Variants in XG observed in about 807,000 individuals in gnomAD.
XG encodes the protein Xg glycoprotein (Xg blood group).
In XG, 24 loss-of-function variants were observed where a neutral mutation model predicts 25.7. The observed-to-expected ratio is 0.93, with a 90% CI of 0.68 to 1.31. XG has a LOEUF of 1.31. Ranked by LOEUF, XG falls within the 40% of genes most tolerant of loss-of-function variation. XG has a pLI of 0.00. For missense variants in XG, 181 were observed against 187.6 expected, an observed-to-expected ratio of 0.96 and a Z score of 0.21; for synonymous variants, 77 against 69.2, an observed-to-expected ratio of 1.11 and a Z score of -0.56.
intron 2 of XG, among the ~76,000 whole-genome samples, chrX:2,774,021 C>T (rs1411846767): frequency 1.3e-5 from 2 of 152,116 alleles, no homozygotes; most frequent in Non-Finnish European, 2.9e-5. Flanking sequence ...CACACAAACC[C>T]GTGTTCCAGC....
chrX:2,814,310 T>C, intron 10 of XG, 54 bp from the exon 11 acceptor site: 2 of 1,088,576 alleles, frequency 1.8e-6, no homozygotes, highest in South Asian at 4.1e-5. Flanking sequence ...CTCTGTTTAA[T>C]AAGACTTTTT....
chrX:2,789,899 G>A (rs1396236536), intron 5 of XG, among the ~76,000 whole-genome samples, 193 bp downstream of exon 5: 2 of 109,941 alleles, frequency 1.8e-5, no homozygotes, highest in Non-Finnish European at 3.8e-5. Flanking sequence ...GTCTCGCTCT[G>A]TTGCCCTGGC....
intron 3 of XG, among the ~76,000 whole-genome samples, chrX:2,775,417 C>T (rs1002787255): frequency 6.6e-6 from 1 of 152,066 alleles, no homozygotes; most frequent in African/African-American, 2.4e-5. Context: ...GATGAAATTT[C>T]AAGAATAGGT....
At chrX:2,759,022 A>G (rs2050500106) in intron 1 of XG, among the ~76,000 whole-genome samples, 2 of 53,024 alleles carry the variant, frequency 3.8e-5, no homozygotes, top group African/African-American at 6.5e-5. Context: ...GTATCTATGT[A>G]TCTATCTATG....
chrX:2,783,204 G>A (rs1464961104), intron 4 of XG, among the ~76,000 whole-genome samples: 1 of 111,478 alleles, frequency 9.0e-6, no homozygotes, highest in Non-Finnish European at 1.9e-5. Context: ...ACCCCCACGT[G>A]TGCTGTGCAC....
chrX:2,774,191 C>T (rs1415603486), intron 2 of XG, among the ~76,000 whole-genome samples: 1 of 152,166 alleles, frequency 6.6e-6, no homozygotes, highest in African/African-American at 2.4e-5. Flanking sequence ...CCTCAAACCT[C>T]CTCCTGCCCT....
chrX:2,784,020 A>G (rs2086760007), intron 4 of XG, among the ~76,000 whole-genome samples: 2 of 110,890 alleles, frequency 1.8e-5, no homozygotes, highest in African/African-American at 6.6e-5. Context: ...CAAAACCCCA[A>G]AACACCACCT....
intron 6 of XG, among the ~76,000 whole-genome samples, chrX:2,796,188 T>G (rs1425536410): frequency 9.5e-6 from 1 of 105,327 alleles, no homozygotes; most frequent in Non-Finnish European, 1.9e-5. Context: ...CATATGTATA[T>G]GTCTTTATGT....
At chrX:2,789,815 A>G in intron 5 of XG, 109 bp downstream of exon 5, 1 of 351,185 alleles carries the variant, frequency 2.8e-6, no homozygotes, top group Non-Finnish European at 4.4e-6. Flanking sequence ...ATTTGATTCT[A>G]TGTTATTTTA....
chrX:2,814,361 C>T lies in XG; in HGVS notation c.572-3C>T, dbSNP rs2147100717. 8.4e-7 allele frequency: 1 copy of T among 1,196,550 alleles called. No homozygotes were observed. The highest frequency in any genetic ancestry group is 1.8e-5 in the South Asian group (1 of 54,149). On this transcript the variant is annotated splice_region_variant and splice_polypyrimidine_tract_variant and intron_variant, in intron 10 of 10. Coordinates refer to ENST00000644266, the MANE Select transcript of XG (RefSeq NM_001141919.2). ...TGACATTTGTTTCTAATCTTCCTTT[C>T]AGAACCAGAAAATGTCTGAAGATGT...
rs772998225 is a variant in XG at position 2,776,119 on chromosome X, T to C, written c.127+1380T>C. Among the ~76,000 whole-genome samples the C allele has an allele frequency of 8.7e-4, 123 of 140,854 alleles. 1 individual carries two copies. The highest frequency in any genetic ancestry group is 2.9e-3 in the African/African-American group (113 of 39,268). 92.4% of individuals were successfully genotyped at this position (140,854 alleles called of 152,430 possible). Reference sequence around the variant, plus strand: ...CCTGGCTAACACGGTATGTTGTACCTGAGCGAGTTAGAAAAACGCTTTGAG... The same window carrying C: ...CCTGGCTAACACGGTATGTTGTACCCGAGCGAGTTAGAAAAACGCTTTGAG... On this transcript the variant is annotated intron_variant, in intron 3 of 10. Coordinates refer to ENST00000644266, the MANE Select transcript of XG (RefSeq NM_001141919.2).
chrX:2,770,738 C>G (rs1030045598), intron 2 of XG, 147 bp downstream of exon 2: 2 of 894,548 alleles, frequency 2.2e-6, no homozygotes, highest in Non-Finnish European at 3.6e-6. Context: ...ATTGCAGACA[C>G]CTTGAGACAA....
At chrX:2,783,794 G>T (rs1203539923) in intron 4 of XG, among the ~76,000 whole-genome samples, 1 of 112,446 alleles carries the variant, frequency 8.9e-6, no homozygotes, top group Admixed American at 9.4e-5. Flanking sequence ...GGCCAACATG[G>T]CGAAACCCTG....
chrX:2,793,817 C>T (rs754082225), intron 5 of XG, among the ~76,000 whole-genome samples: 6 of 111,557 alleles, frequency 5.4e-5, no homozygotes, highest in Non-Finnish European at 9.4e-5. Context: ...CCTGGGGAAT[C>T]GGCCACTGCC....
chrX:2,773,490 GGAAGGAAGGAGA>G (rs1569461928), intron 2 of XG, among the ~76,000 whole-genome samples: 11 of 137,658 alleles, frequency 8.0e-5, no homozygotes, highest in African/African-American at 2.2e-4. Context: ...AGGGAAGGAA[GGAAGGAAGGAGA>G]GAAGGAAGGA....
chrX:2,773,481 GGGAAGGAA>G lies in XG; in HGVS notation c.104-1223_104-1216del, dbSNP rs201385717. Among the ~76,000 whole-genome samples, 468 of 135,970 alleles carry G rather than the reference GGGAAGGAA, an allele frequency of 3.4e-3. 6 individuals carry two copies. The highest frequency in any genetic ancestry group is 9.0e-3 in the African/African-American group (304 of 33,954). 89.2% of individuals were successfully genotyped at this position (135,970 alleles called of 152,430 possible). A position where few individuals can be genotyped will look rare whatever the true frequency, so the allele number is the denominator to read the frequency against. ...AAAGAAGAAGGGGGAAAAGGAGAGAGGGAAGGAAGGAAGGAAGGAGAGAAGGAAGGAAG... is the reference window on the plus strand; with the variant it reads ...AAAGAAGAAGGGGGAAAAGGAGAGAGGGAAGGAAGGAGAGAAGGAAGGAAG... On this transcript the variant is annotated intron_variant, in intron 2 of 10. Coordinates refer to ENST00000644266, the MANE Select transcript of XG (RefSeq NM_001141919.2).
At chrX:2,763,386 T>C (rs1213709290) in intron 1 of XG, among the ~76,000 whole-genome samples, 15 of 151,962 alleles carry the variant, frequency 9.9e-5, no homozygotes, top group Admixed American at 9.8e-4. Flanking sequence ...AAAAATGCCA[T>C]CTGCTGGCTC....
intron 3 of XG, among the ~76,000 whole-genome samples, chrX:2,780,113 A>G (rs2051085896): frequency 6.6e-6 from 1 of 152,132 alleles, no homozygotes; most frequent in Admixed American, 6.5e-5. Context: ...TTGGATCTAT[A>G]GATGCAGAAA....
At chrX:2,809,780 T>C (rs1345329913) in intron 9 of XG, among the ~76,000 whole-genome samples, 2 of 111,729 alleles carry the variant, frequency 1.8e-5, no homozygotes, top group African/African-American at 6.5e-5. Flanking sequence ...TCTGGGACTT[T>C]AGGTGGAATG....
Sources: allele counts gnomAD v4.1 joint callset (sites outside exome capture counted in the v4.1 genomes callset), GRCh38; gene constraint gnomAD v4.1.1; transcripts MANE v1.5; gene names NCBI Gene and HGNC (gene_info 2026-07-23, HGNC 2026-07-21).